FBLN5: variants seen among roughly 807,000 people sequenced by gnomAD.
FBLN5 encodes fibulin 5, also known as fibulin-5.
A neutral mutation model predicts 61.6 loss-of-function variants in FBLN5; 24 were observed. The observed-to-expected ratio is 0.39, with a 90% CI of 0.28 to 0.55. FBLN5 has a LOEUF of 0.55. Ranked by LOEUF, FBLN5 falls within the 20% of genes least tolerant of loss-of-function variation. FBLN5 has a pLI of 0.65. For synonymous variants in FBLN5, 213 were observed against 219.8 expected (o/e 0.97, Z 0.27); for missense variants, 470 against 594.1 (o/e 0.79, Z 2.17).
chr14:91,922,170 G>A (rs1032174671), intron 4 of FBLN5, among the ~76,000 whole-genome samples: 1 of 152,150 alleles, frequency 6.6e-6, no homozygotes, highest in South Asian at 2.1e-4. Context: ...GCAGGTGCCT[G>A]TAATCCCAGT....
chr14:91,933,684 AAAG>A (rs1225458445), intron 4 of FBLN5, among the ~76,000 whole-genome samples: 1 of 152,204 alleles, frequency 6.6e-6, no homozygotes, highest in Non-Finnish European at 1.5e-5. Context: ...AGTAGAGTGT[AAAG>A]AAGAAAGGAG....
rs777892769 is a variant in FBLN5, at chr14:91,891,296, C to T, written c.544G>A (p.Ala182Thr). ...CAAGAATAGGATCCAGGAACATTCG[C>T]ACAGAGCTGCTGGCAGTAACCATAG... Reference protein sequence around the residue: ...CRYGYCQQLCANVPGSYSCTC... With the variant: ...CRYGYCQQLCTNVPGSYSCTC... Residue 182 changes from alanine to threonine, a missense_variant, in exon 6 of 11, where the codon GCG becomes ACG. Physicochemically the swap from Ala to Thr is moderately conservative, Grantham distance 58. Transcript: ENST00000342058. The T allele has an allele frequency of 2.5e-6, 4 of 1,613,992 alleles. No individual in the cohort carries two copies. In the South Asian group the frequency reaches 4.4e-5, roughly 18 times the overall value.
At chr14:91,892,306 A>G (rs970722145) in intron 5 of FBLN5, among the ~76,000 whole-genome samples, 1 of 152,144 alleles carries the variant, frequency 6.6e-6, no homozygotes, top group Non-Finnish European at 1.5e-5. Flanking sequence ...ATCTGACTGT[A>G]GCTGGAACTG....
At chr14:91,946,950 G>A (rs2056195080) in intron 1 of FBLN5, 2 of 1,457,870 alleles carry the variant, frequency 1.4e-6, no homozygotes, top group Non-Finnish European at 1.8e-6. Context: ...AAAGAGGAAT[G>A]AAGCGCTGAG....
chr14:91,910,086 A>T (rs1890855815), intron 4 of FBLN5, among the ~76,000 whole-genome samples: 1 of 152,236 alleles, frequency 6.6e-6, no homozygotes, highest in Admixed American at 6.5e-5. Context: ...TGTTCATAGC[A>T]GCATTATTCA....
chr14:91,922,912 A>T (rs1034923363), intron 4 of FBLN5, among the ~76,000 whole-genome samples: 2 of 152,188 alleles, frequency 1.3e-5, no homozygotes, highest in African/African-American at 4.8e-5. Flanking sequence ...CCCTGTTTTA[A>T]GCCTAAAGGA....
chr14:91,936,672 T>C lies in FBLN5; in HGVS notation c.379+275A>G, dbSNP rs117668310. 0.017 allele frequency among the ~76,000 whole-genome samples: 2,553 copies of C among 152,264 alleles called. 37 individuals carry two copies. Among genetic ancestry groups the C allele is most frequent in the Non-Finnish European group, 0.028 (1,904 of 68,024 alleles). On this transcript the variant is annotated intron_variant, in intron 4 of 10. Coordinates refer to ENST00000342058, the MANE Select transcript of FBLN5 (RefSeq NM_006329.4). Reference sequence around the variant, plus strand: ...AATATATAGATGAGTTATAGATAGATAGATACAGATAGGTAGGTAGATAGA... The same window carrying C: ...AATATATAGATGAGTTATAGATAGACAGATACAGATAGGTAGGTAGATAGA...
At chr14:91,908,171 G>T (rs76232437) in intron 4 of FBLN5, among the ~76,000 whole-genome samples, 2,640 of 152,278 alleles carry the variant, frequency 0.017, 26 homozygotes, top group Non-Finnish European at 0.026. Context: ...GCACTCCTCT[G>T]CCACAGACTT....
At chr14:91,934,133 G>C (rs1381255398) in intron 4 of FBLN5, among the ~76,000 whole-genome samples, 1 of 152,222 alleles carries the variant, frequency 6.6e-6, no homozygotes, top group Non-Finnish European at 1.5e-5. Context: ...TTGAGCCAAG[G>C]AGGCAGAGGT....
At chr14:91,883,101 G>C (rs773456635) in intron 7 of FBLN5, 25 bp from the exon 8 acceptor site, 3 of 1,612,894 alleles carry the variant, frequency 1.9e-6, no homozygotes, top group Middle Eastern at 3.3e-4. Context: ...CACACCTGCT[G>C]TTTGTAATCC....
At position 91,877,701 on chromosome 14, in the gene FBLN5, C is replaced by A; in HGVS notation, c.990-19G>T. 1 of 1,606,154 alleles carries A rather than the reference C, an allele frequency of 6.2e-7. No homozygotes were observed. Among genetic ancestry groups the A allele is most frequent in the Non-Finnish European group, 8.5e-7 (1 of 1,172,794 alleles). ...ACAGCGGCTGTGGAAAGGGAAATCA[C>A]GTGAGAACTCAAGAAATCCATTCCA... On this transcript the variant is annotated intron_variant, in intron 9 of 10. Coordinates refer to ENST00000342058, the MANE Select transcript of FBLN5 (RefSeq NM_006329.4).
intron 4 of FBLN5, among the ~76,000 whole-genome samples, chr14:91,921,577 G>C (rs2055734901): frequency 6.6e-6 from 1 of 152,182 alleles, no homozygotes; most frequent in Non-Finnish European, 1.5e-5. Flanking sequence ...TACTGAGTCA[G>C]AAACTCGGCA....
At chr14:91,898,796 C>CTT (rs35840279) in intron 4 of FBLN5, among the ~76,000 whole-genome samples, 1,124 of 84,232 alleles carry the variant, frequency 0.013, 11 homozygotes, top group African/African-American at 0.018. Flanking sequence ...TTCATTCATT[C>CTT]TTTTTTTTTT....
chr14:91,921,045 C>T (rs2140023317), intron 4 of FBLN5, among the ~76,000 whole-genome samples: 1 of 152,296 alleles, frequency 6.6e-6, no homozygotes, highest in Admixed American at 6.5e-5. Flanking sequence ...CTATGCAAGC[C>T]AGTCACGACA....
rs374396315 is a variant in FBLN5 at position 91,882,941 on chromosome 14, C to A, written c.862+13G>T. 6.2e-7 allele frequency: 1 copy of A among 1,613,176 alleles called. No individual in the cohort carries two copies. Among genetic ancestry groups the A allele is most frequent in the African/African-American group, 1.3e-5 (1 of 74,902 alleles). On this transcript the variant is annotated intron_variant, in intron 8 of 10. Transcript: ENST00000342058. This position sits in a 1 kb window ranked among gnomAD's most constrained non-coding sequence, Gnocchi z 4.9. ...CACATACACCCCAGCCAGGCCCCTC[C>A]GGACAGCCTTACCTTGGCAGCTTCG...
chr14:91,884,334 T>C (rs1474043487), intron 7 of FBLN5, among the ~76,000 whole-genome samples: 1 of 152,242 alleles, frequency 6.6e-6, no homozygotes, highest in African/African-American at 2.4e-5. Context: ...AGAAGCCTTG[T>C]AGAGCCCCGG....
chr14:91,912,232 C>T (rs1890978966), intron 4 of FBLN5, among the ~76,000 whole-genome samples: 1 of 152,252 alleles, frequency 6.6e-6, no homozygotes, highest in Non-Finnish European at 1.5e-5. Flanking sequence ...TATGGTGACT[C>T]ATGCCTGTAA....
intron 5 of FBLN5, among the ~76,000 whole-genome samples, chr14:91,891,827 A>G (rs1225812668): frequency 6.6e-6 from 1 of 152,206 alleles, no homozygotes; most frequent in African/African-American, 2.4e-5. Context: ...AATCCATAGC[A>G]TCACTCCAAT....
chr14:91,929,538 G>T (rs1476265727), intron 4 of FBLN5, among the ~76,000 whole-genome samples: 1 of 152,096 alleles, frequency 6.6e-6, no homozygotes, highest in Admixed American at 6.5e-5. Flanking sequence ...AGCAAATCTG[G>T]GATCAAAATC....
Sources: gnomAD v4.1 joint callset for allele counts (sites outside exome capture counted in the v4.1 genomes callset) on GRCh38, gnomAD v4.1.1 for gene constraint, Gnocchi (gnomAD v3.1) non-coding constraint, MANE v1.5 for transcripts, NCBI Gene and HGNC (gene_info 2026-07-23, HGNC 2026-07-21) for gene names.